STK3: variants seen among roughly 807,000 people sequenced by gnomAD.
The protein encoded by STK3 is serine/threonine kinase 3, also known as serine/threonine-protein kinase 3.
STK3 carries 41 observed loss-of-function variants against 58.0 expected under a neutral mutation model. The ratio of observed to expected loss-of-function variants is 0.71; its 90% CI spans 0.55 to 0.92. The LOEUF (loss-of-function observed/expected upper bound fraction) is 0.92, where lower values mean the gene tolerates loss of function less well. Ranked by LOEUF, STK3 falls within the 40% of genes least tolerant of loss-of-function variation. The pLI is 0.00. For missense variants in STK3, 479 were observed against 602.7 expected (o/e 0.79, Z 2.15); for synonymous variants, 170 against 191.0 (o/e 0.89, Z 0.91).
intron 10 of STK3, among the ~76,000 whole-genome samples, chr8:98,493,678 A>G (rs528044869): frequency 5.9e-5 from 9 of 152,280 alleles, no homozygotes; most frequent in Non-Finnish European, 1.2e-4. Flanking sequence ...TACCAATTAA[A>G]AGATGACTCA....
At position 98,679,057 on chromosome 8, in the gene STK3, A is replaced by G. The variant is rs370842450; in HGVS notation, c.684+27410T>C. Among the ~76,000 whole-genome samples, 3 of 152,192 alleles carry G rather than the reference A, an allele frequency of 2.0e-5. No individual in the cohort carries two copies. In the East Asian group the frequency reaches 5.8e-4, roughly 29 times the overall value. ...CCTGTTAATCCACTTACAAAATATA[A>G]CAGAATTCAACTACTCACTATTTTC... On this transcript the variant is annotated intron_variant, in intron 6 of 10. Transcript: ENST00000419617.
chr8:98,921,779 C>T (rs939634097), intron 1 of STK3, among the ~76,000 whole-genome samples: 5 of 152,156 alleles, frequency 3.3e-5, no homozygotes, highest in African/African-American at 9.7e-5. Context: ...GCAACCCCCA[C>T]CTCCCGGGTT....
chr8:98,903,258 A>G (rs1838726893), intron 1 of STK3, among the ~76,000 whole-genome samples: 1 of 152,248 alleles, frequency 6.6e-6, no homozygotes, highest in Non-Finnish European at 1.5e-5. Context: ...AATATGAGCA[A>G]CTTTGACTAT....
intron 1 of STK3, among the ~76,000 whole-genome samples, chr8:98,902,686 A>T (rs1328095022): frequency 6.6e-6 from 1 of 152,240 alleles, no homozygotes; most frequent in African/African-American, 2.4e-5. Context: ...ACCAGGGATC[A>T]TTTAAAAACA....
downstream of STK3, among the ~76,000 whole-genome samples, chr8:98,397,153 A>G (rs1817904273): frequency 6.6e-6 from 1 of 152,216 alleles, no homozygotes; most frequent in South Asian, 2.1e-4. Flanking sequence ...TTACTCCTAG[A>G]AAGAAAACAC....
intron 4 of STK3, among the ~76,000 whole-genome samples, chr8:98,715,362 A>G (rs543002208): frequency 1.9e-3 from 288 of 152,246 alleles, no homozygotes; most frequent in African/African-American, 6.4e-3. Flanking sequence ...AGAATGGGAG[A>G]AAATTTTTGC....
chr8:98,553,714 G>A lies in STK3; in HGVS notation c.949-5553C>T, dbSNP rs970547505. ...CATGGGGGCTCACGCCTTTAATCTC[G>A]ACACTTTGGGAGGCCGAGGTGGTTG... is the stretch of plus-strand genomic sequence containing the variant. On this transcript the variant is annotated intron_variant, in intron 8 of 10. Coordinates refer to ENST00000419617, the MANE Select transcript of STK3 (RefSeq NM_006281.4). 4.6e-5 allele frequency among the ~76,000 whole-genome samples: 7 copies of A among 152,058 alleles called. No individual in the cohort carries two copies. The South Asian group carries it at 8.3e-4, about 18-fold the overall frequency.
At chr8:98,530,183 T>C (rs1446528509) in intron 9 of STK3, among the ~76,000 whole-genome samples, 1 of 152,192 alleles carries the variant, frequency 6.6e-6, no homozygotes, top group Non-Finnish European at 1.5e-5. Context: ...ACTTTTAAGG[T>C]CAGGGGTACA....
At chr8:98,898,784 C>T (rs942462112) in intron 1 of STK3, among the ~76,000 whole-genome samples, 6 of 152,140 alleles carry the variant, frequency 3.9e-5, no homozygotes, top group African/African-American at 1.4e-4. Context: ...ATGTAGTGTT[C>T]CTCCAGTATT....
chr8:98,344,620 G>A, the STK3 span, among the ~76,000 whole-genome samples: 6 of 152,258 alleles, frequency 3.9e-5, no homozygotes, highest in South Asian at 6.2e-4. Flanking sequence ...TCGGCCGGGC[G>A]CGGTGGCTCA....
intron 6 of STK3, among the ~76,000 whole-genome samples, chr8:98,676,925 C>A (rs1351706015): frequency 6.6e-6 from 1 of 152,210 alleles, no homozygotes; most frequent in Non-Finnish European, 1.5e-5. Flanking sequence ...ACCACCACTA[C>A]AGCTAACCAG....
rs527791399 is a variant in STK3, at chr8:98,648,092, GA to G, written c.685-51924del. On this transcript the variant is annotated intron_variant, in intron 6 of 10. Coordinates refer to ENST00000419617, the MANE Select transcript of STK3 (RefSeq NM_006281.4). ...CCTACCTTTCTCTACAACTCCAGGTGACCAGCAATGACAACCTAATATGTAT... is the reference window on the plus strand; with the variant it reads ...CCTACCTTTCTCTACAACTCCAGGTGCCAGCAATGACAACCTAATATGTAT... Among the ~76,000 whole-genome samples, 109 of 152,174 alleles carry G rather than the reference GA, an allele frequency of 7.2e-4. 1 individual carries two copies. Among genetic ancestry groups the G allele is most frequent in the African/African-American group, 2.6e-3 (108 of 41,508 alleles).
chr8:98,484,892 T>C (rs965816804), intron 10 of STK3, among the ~76,000 whole-genome samples: 3 of 152,284 alleles, frequency 2.0e-5, no homozygotes, highest in South Asian at 2.1e-4. Context: ...ACAATGAATA[T>C]GATCTTTTTG....
upstream of STK3, among the ~76,000 whole-genome samples, chr8:98,827,986 CT>C (rs112858815): frequency 5.4e-3 from 775 of 143,678 alleles, 5 homozygotes; most frequent in African/African-American, 0.015. Context: ...ATACTCCCAG[CT>C]TTTTTTTTTT....
chr8:98,748,501 A>C (rs934123650), intron 4 of STK3, among the ~76,000 whole-genome samples: 7 of 152,084 alleles, frequency 4.6e-5, no homozygotes, highest in African/African-American at 1.7e-4. Flanking sequence ...GTTAACTACA[A>C]ATTGACTGAA....
chr8:98,873,339 T>C (rs574802707), intron 3 of STK3, among the ~76,000 whole-genome samples: 3 of 152,348 alleles, frequency 2.0e-5, no homozygotes, highest in Admixed American at 1.3e-4. Flanking sequence ...GAGAGTTCTG[T>C]AGATGTCTAT....
At chr8:98,738,473 C>CA (rs1828822212) in intron 4 of STK3, among the ~76,000 whole-genome samples, 1 of 151,612 alleles carries the variant, frequency 6.6e-6, no homozygotes, top group African/African-American at 2.4e-5. Flanking sequence ...AACTCCGACT[C>CA]AAAATAAAAT....
At chr8:98,886,854 T>A (rs909770107) in intron 1 of STK3, among the ~76,000 whole-genome samples, 1 of 152,118 alleles carries the variant, frequency 6.6e-6, no homozygotes, top group Non-Finnish European at 1.5e-5. Flanking sequence ...TTCCAGCACT[T>A]TGGGAGGCAG....
chr8:98,691,773 A>T (rs1216929505), intron 6 of STK3, among the ~76,000 whole-genome samples: 1 of 152,082 alleles, frequency 6.6e-6, no homozygotes, highest in Non-Finnish European at 1.5e-5. Context: ...CTCTACTAAA[A>T]ATACAAAAAT....
Sources: allele counts gnomAD v4.1 joint callset (sites outside exome capture counted in the v4.1 genomes callset), GRCh38; gene constraint gnomAD v4.1.1; transcripts MANE v1.5; gene names NCBI Gene and HGNC (gene_info 2026-07-23, HGNC 2026-07-21).